Variants in PTPRD observed in about 807,000 individuals in gnomAD.
PTPRD encodes receptor-type tyrosine-protein phosphatase delta.
In PTPRD, 34 loss-of-function variants were observed where a neutral mutation model predicts 214.5. The observed-to-expected ratio is 0.16, with a 90% CI of 0.12 to 0.21. PTPRD has a LOEUF of 0.21. Ranked by LOEUF, PTPRD falls within the 10% of genes least tolerant of loss-of-function variation. The pLI is 1.00. For synonymous variants in PTPRD, 1,128 were observed against 845.7 expected (o/e 1.33, Z -5.79); for missense variants, 2,545 against 2,398.7 (o/e 1.06, Z -1.27).
At chr9:9,363,910 T>C (rs923800158) in intron 9 of PTPRD, among the ~76,000 whole-genome samples, 2 of 151,472 alleles carry the variant, frequency 1.3e-5, no homozygotes, top group African/African-American at 2.4e-5. Flanking sequence ...TTCCATCTTA[T>C]TAATGAAATT....
chr9:8,879,587 T>C (rs1318856978), intron 11 of PTPRD, among the ~76,000 whole-genome samples: 1 of 152,214 alleles, frequency 6.6e-6, no homozygotes, highest in Admixed American at 6.5e-5. Flanking sequence ...GATTAATGTC[T>C]ACTCCCTATC....
intron 37 of PTPRD, among the ~76,000 whole-genome samples, chr9:8,378,515 G>A (rs2083939305): frequency 6.6e-6 from 1 of 152,030 alleles, no homozygotes; most frequent in Non-Finnish European, 1.5e-5. Flanking sequence ...AGGACAAGAG[G>A]AACTCTGGAG....
chr9:10,383,559 T>C (rs2097858888), intron 2 of PTPRD, among the ~76,000 whole-genome samples: 1 of 151,878 alleles, frequency 6.6e-6, no homozygotes, highest in South Asian at 2.1e-4. Flanking sequence ...GCTGTTCTTA[T>C]TTTAACTCAC....
intron 5 of PTPRD, among the ~76,000 whole-genome samples, chr9:9,831,537 T>C (rs144215862): frequency 6.6e-6 from 1 of 152,042 alleles, no homozygotes; most frequent in East Asian, 1.9e-4. Context: ...GGGTTGCTCA[T>C]CGTAAGATTG....
intron 13 of PTPRD, 145 bp from the exon 14 acceptor site, chr9:8,633,603 A>G: frequency 1.1e-6 from 1 of 910,240 alleles, no homozygotes; most frequent in Non-Finnish European, 1.6e-6. Flanking sequence ...TAGTGGTGAA[A>G]AAATATTTGG....
At chr9:10,052,960 C>T (rs673447) in intron 3 of PTPRD, among the ~76,000 whole-genome samples, 1 of 151,844 alleles carries the variant, frequency 6.6e-6, no homozygotes, top group Admixed American at 6.6e-5. Context: ...TTCAATAATT[C>T]TTTACATGTA....
chr9:10,004,478 A>G (rs1450037264), intron 4 of PTPRD, among the ~76,000 whole-genome samples: 1 of 152,004 alleles, frequency 6.6e-6, no homozygotes, highest in Non-Finnish European at 1.5e-5. Flanking sequence ...TTCTTTTCAC[A>G]TAAAAATATG....
intron 11 of PTPRD, among the ~76,000 whole-genome samples, chr9:9,005,476 C>T (rs888500030): frequency 6.6e-6 from 1 of 151,784 alleles, no homozygotes; most frequent in Non-Finnish European, 1.5e-5. Flanking sequence ...AATTGATGTG[C>T]CAAACAAGGA....
chr9:9,651,173 T>C (rs976222204), intron 7 of PTPRD, among the ~76,000 whole-genome samples: 5 of 152,214 alleles, frequency 3.3e-5, no homozygotes, highest in Admixed American at 1.3e-4. Flanking sequence ...TTTTATCATT[T>C]CTATGAATAA....
At chr9:8,353,820 A>G (rs535289156) in intron 39 of PTPRD, among the ~76,000 whole-genome samples, 1 of 8,090 alleles carries the variant, frequency 1.2e-4, no homozygotes, top group African/African-American at 4.4e-4. Context: ...AAAAAAAAAT[A>G]TATGTATATA....
chr9:8,620,710 A>C (rs562810117), intron 14 of PTPRD, among the ~76,000 whole-genome samples: 1 of 152,108 alleles, frequency 6.6e-6, no homozygotes, highest in South Asian at 2.1e-4. Flanking sequence ...ATTGTATGTT[A>C]AACAGTAAAG....
chr9:8,579,563 G>A (rs945391271), intron 14 of PTPRD, among the ~76,000 whole-genome samples: 2 of 152,164 alleles, frequency 1.3e-5, no homozygotes, highest in Non-Finnish European at 2.9e-5. Context: ...AACCCACAGT[G>A]CCTGTCATAA....
chr9:8,713,502 T>C (rs747994295), intron 12 of PTPRD: 6 of 1,155,494 alleles, frequency 5.2e-6, no homozygotes, highest in South Asian at 1.2e-5. Flanking sequence ...CTGTCTACTG[T>C]GGTCAGGTGT....
At chr9:9,243,068 C>T (rs1351477726) in intron 9 of PTPRD, among the ~76,000 whole-genome samples, 3 of 152,056 alleles carry the variant, frequency 2.0e-5, no homozygotes, top group Non-Finnish European at 2.9e-5. Context: ...CAGTCAGGAC[C>T]CTCAGCTGCA....
intron 5 of PTPRD, among the ~76,000 whole-genome samples, chr9:9,877,801 C>A (rs1399017020): frequency 6.6e-6 from 1 of 151,916 alleles, no homozygotes; most frequent in African/African-American, 2.4e-5. Flanking sequence ...GAGGAGAAAC[C>A]TGTCTCTACT....
intron 8 of PTPRD, among the ~76,000 whole-genome samples, chr9:9,426,708 C>A (rs1281099526): frequency 6.6e-6 from 1 of 152,134 alleles, no homozygotes; most frequent in Non-Finnish European, 1.5e-5. Flanking sequence ...TGAGACGAGG[C>A]TTCCAGAAGA....
At chr9:10,105,540 A>G (rs913665849) in intron 3 of PTPRD, among the ~76,000 whole-genome samples, 1 of 151,798 alleles carries the variant, frequency 6.6e-6, no homozygotes, top group Non-Finnish European at 1.5e-5. Flanking sequence ...CTGTGAGATG[A>G]AGCAGTTCAG....
chr9:8,784,480 C>T (rs578217061), intron 11 of PTPRD, among the ~76,000 whole-genome samples: 2 of 152,302 alleles, frequency 1.3e-5, no homozygotes, highest in Middle Eastern at 3.4e-3. Context: ...AGGATCCTGG[C>T]ATAGAGAAGC....
chr9:9,675,088 T>A (rs1013872056), intron 7 of PTPRD, among the ~76,000 whole-genome samples: 1 of 151,922 alleles, frequency 6.6e-6, no homozygotes, highest in Non-Finnish European at 1.5e-5. Flanking sequence ...AAGTCTAACA[T>A]ATTTAAGAGA....
Sources: gnomAD v4.1 joint callset for allele counts (sites outside exome capture counted in the v4.1 genomes callset) on GRCh38, gnomAD v4.1.1 for gene constraint, MANE v1.5 for transcripts, NCBI Gene and HGNC (gene_info 2026-07-23, HGNC 2026-07-21) for gene names.